The following BCL2 variants were observed in gnomAD, a reference collection of about 807,000 sequenced individuals.
BCL2 encodes the protein apoptosis regulator Bcl-2.
BCL2 carries 1 observed loss-of-function variant against 14.2 expected under a neutral mutation model. The observed-to-expected ratio is 0.07, with a 90% confidence interval of 0.02 to 0.33. The LOEUF (loss-of-function observed/expected upper bound fraction) is 0.33, where lower values mean the gene tolerates loss of function less well. Ranked by LOEUF, BCL2 falls within the 10% of genes least tolerant of loss-of-function variation. BCL2 has a pLI of 0.99. For synonymous variants in BCL2, 151 were observed against 137.2 expected, an observed-to-expected ratio of 1.10 and a Z score of -0.70; for missense variants, 247 against 305.9, an observed-to-expected ratio of 0.81 and a Z score of 1.44.
chr18:63,165,944 C>T (rs1324744222), intron 2 of BCL2, among the ~76,000 whole-genome samples: 2 of 152,226 alleles, frequency 1.3e-5, no homozygotes, highest in Non-Finnish European at 2.9e-5. Flanking sequence ...GGGCAGAGTT[C>T]GTTTGCTGGA....
Position 63,127,486 on chromosome 18 carries a change from A to T in BCL2, c.*1139T>A, listed in dbSNP as rs1389465911. The T allele has an allele frequency of 2.6e-5, 6 of 232,228 alleles. No homozygotes were observed. The highest frequency in any genetic ancestry group is 5.1e-5 in the Non-Finnish European group (6 of 117,502). The allele number at this position is 232,228 out of a possible 1,614,324, so 14.4% of individuals were successfully genotyped here. On this transcript the variant is annotated 3_prime_UTR_variant, in exon 3 of 3. Transcript: ENST00000333681. ...GGGCCCCAGGGTGACAGGCCCAGCC[A>T]CACCCCTCTACTGCTCTTTCTTGAC...
intron 2 of BCL2, among the ~76,000 whole-genome samples, chr18:63,228,136 T>C (rs951645575): frequency 7.2e-5 from 11 of 152,198 alleles, no homozygotes; most frequent in Non-Finnish European, 1.0e-4. Flanking sequence ...ACTAATGCCA[T>C]TGTGAGGGCC....
intron 2 of BCL2, among the ~76,000 whole-genome samples, chr18:63,290,086 G>A (rs1037848195): frequency 6.6e-5 from 10 of 152,152 alleles, no homozygotes; most frequent in African/African-American, 2.2e-4. Flanking sequence ...GCAGAAGCTG[G>A]AAGAATGCAC....
chr18:63,146,425 G>C (rs4987815), intron 2 of BCL2, among the ~76,000 whole-genome samples: 80 of 152,350 alleles, frequency 5.3e-4, no homozygotes, highest in African/African-American at 1.9e-3. Flanking sequence ...ACTAGAGGCA[G>C]TGTGGTTACC....
At chr18:63,266,512 C>T (rs979751728) in intron 2 of BCL2, among the ~76,000 whole-genome samples, 1 of 150,312 alleles carries the variant, frequency 6.7e-6, no homozygotes, top group South Asian at 2.1e-4. Flanking sequence ...ATAATATGTG[C>T]TTCTATTGTC....
In BCL2 at chr18:63,170,527, G is replaced by A. The variant is rs148319439; in HGVS notation, c.586-41768C>T. On this transcript the variant is annotated intron_variant, in intron 2 of 2. Transcript: ENST00000333681. ...TTTCTTCCATCTTTGGTGTTTATGCGGAAAAGACCCAACCCCAGGTCAGAG... is the reference window on the plus strand; with the variant it reads ...TTTCTTCCATCTTTGGTGTTTATGCAGAAAAGACCCAACCCCAGGTCAGAG... Among the ~76,000 whole-genome samples, 214 of 152,194 alleles carry A rather than the reference G, an allele frequency of 1.4e-3. 1 individual carries two copies. The highest frequency in any genetic ancestry group is 4.6e-3 in the African/African-American group (193 of 41,520).
In BCL2 at chr18:63,302,324, A is replaced by C. The variant is rs1314545922; in HGVS notation, c.585+15758T>G. 8.2e-6 allele frequency: 8 copies of C among 978,784 alleles called. No individual in the cohort carries two copies. In the East Asian group the frequency reaches 4.6e-4, roughly 56 times the overall value. 60.6% of individuals were successfully genotyped at this position (978,784 alleles called of 1,614,324 possible). A position where few individuals can be genotyped will look rare whatever the true frequency, so the allele number is the denominator to read the frequency against. ...CTCAAAAAAAAAAAAAAGAGAGAGA[A>C]AGAGAGAAAGAGAGAGAGGAAATAG... On this transcript the variant is annotated intron_variant, in intron 2 of 2. Coordinates refer to ENST00000333681, the MANE Select transcript of BCL2 (RefSeq NM_000633.3).
intron 2 of BCL2, among the ~76,000 whole-genome samples, chr18:63,167,281 A>G (rs541882903): frequency 6.6e-6 from 1 of 151,972 alleles, no homozygotes; most frequent in African/African-American, 2.4e-5. Flanking sequence ...CTATTCATTT[A>G]TCTACTTCTT....
chr18:63,171,810 A>G (rs1378909509), intron 2 of BCL2, among the ~76,000 whole-genome samples: 1 of 152,182 alleles, frequency 6.6e-6, no homozygotes, highest in Non-Finnish European at 1.5e-5. Flanking sequence ...CCTTGTCTCT[A>G]CAAAAAATTA....
chr18:63,206,470 C>T (rs897118217), intron 2 of BCL2, among the ~76,000 whole-genome samples: 5 of 152,186 alleles, frequency 3.3e-5, no homozygotes, highest in African/African-American at 9.7e-5. Flanking sequence ...GTTCCATTTC[C>T]CAATGCTTTC....
At chr18:63,205,991 G>C (rs984226016) in intron 2 of BCL2, among the ~76,000 whole-genome samples, 1 of 152,186 alleles carries the variant, frequency 6.6e-6, no homozygotes, top group Non-Finnish European at 1.5e-5. Context: ...GCTCTCACTG[G>C]AAATCTTCAC....
Position 63,293,140 on chromosome 18 carries a change from G to A in BCL2, c.585+24942C>T, listed in dbSNP as rs4987717. The stretch of plus-strand genomic sequence containing the variant: ...CTCCCACCCCGCAGAGCCCAGCCAG[G>A]TTCTCAGTGGCCCCAAGATAGCACA... On this transcript the variant is annotated intron_variant, in intron 2 of 2. Transcript: ENST00000333681. 9.5e-3 allele frequency among the ~76,000 whole-genome samples: 1,444 copies of A among 152,312 alleles called. 27 individuals are homozygous for A. The highest frequency in any genetic ancestry group is 0.032 in the African/African-American group (1,343 of 41,562).
intron 2 of BCL2, among the ~76,000 whole-genome samples, chr18:63,280,218 G>A (rs923357500): frequency 2.0e-5 from 3 of 152,164 alleles, no homozygotes; most frequent in Non-Finnish European, 4.4e-5. Context: ...AGACATACCT[G>A]TGATCCAATC....
intron 2 of BCL2, among the ~76,000 whole-genome samples, chr18:63,142,286 G>C (rs1289513396): frequency 6.6e-6 from 1 of 152,252 alleles, no homozygotes; most frequent in Admixed American, 6.5e-5. Context: ...TCCTCAGCCA[G>C]CTGGGCACTG....
chr18:63,171,363 A>C (rs1313105169), intron 2 of BCL2, among the ~76,000 whole-genome samples: 2 of 152,252 alleles, frequency 1.3e-5, no homozygotes, highest in African/African-American at 4.8e-5. Context: ...CAATTCCACT[A>C]GCACGGTGTG....
intron 2 of BCL2, among the ~76,000 whole-genome samples, chr18:63,153,084 C>T (rs1914689523): frequency 6.6e-6 from 1 of 152,188 alleles, no homozygotes; most frequent in Non-Finnish European, 1.5e-5. Flanking sequence ...AGAGCACACA[C>T]ATTAGAGTCA....
intron 2 of BCL2, among the ~76,000 whole-genome samples, chr18:63,307,415 T>G (rs1913178771): frequency 6.6e-6 from 1 of 152,260 alleles, no homozygotes; most frequent in Admixed American, 6.5e-5. Context: ...TTTTAGCTAC[T>G]GATTTGCAGT....
At chr18:63,181,154 T>C (rs1434124181) in intron 2 of BCL2, among the ~76,000 whole-genome samples, 1 of 152,218 alleles carries the variant, frequency 6.6e-6, no homozygotes, top group African/African-American at 2.4e-5. Flanking sequence ...CGTTTTCTCC[T>C]TGTTTGGCTG....
chr18:63,141,635 C>G (rs1454841852), intron 2 of BCL2, among the ~76,000 whole-genome samples: 1 of 152,244 alleles, frequency 6.6e-6, no homozygotes, highest in Non-Finnish European at 1.5e-5. Context: ...ACAGGACTCT[C>G]CACTGCCTGA....
Sources: gnomAD v4.1 joint callset for allele counts (sites outside exome capture counted in the v4.1 genomes callset) on GRCh38, gnomAD v4.1.1 for gene constraint, MANE v1.5 for transcripts, NCBI Gene and HGNC (gene_info 2026-07-23, HGNC 2026-07-21) for gene names.